Variants in TRIM33 observed in about 807,000 individuals in gnomAD.
TRIM33 encodes tripartite motif containing 33, also known as E3 ubiquitin-protein ligase TRIM33.
TRIM33 carries 20 observed loss-of-function variants against 125.4 expected under a neutral mutation model. The ratio of observed to expected loss-of-function variants is 0.16; its 90% CI spans 0.11 to 0.23. TRIM33 has a LOEUF of 0.23. Ranked by LOEUF, TRIM33 falls within the 10% of genes least tolerant of loss-of-function variation. TRIM33 has a pLI of 1.00. For missense variants in TRIM33, 920 were observed against 1,411.4 expected, an observed-to-expected ratio of 0.65 and a Z score of 5.58; for synonymous variants, 564 against 513.9, an observed-to-expected ratio of 1.10 and a Z score of -1.32.
chr1:114,421,795 C>T (rs919487890), intron 10 of TRIM33, among the ~76,000 whole-genome samples, 159 bp from the exon 11 acceptor site: 31 of 152,170 alleles, frequency 2.0e-4, no homozygotes, highest in Non-Finnish European at 4.4e-5. Context: ...TCAGCCTTTT[C>T]ATTTTTCTAT....
chr1:114,430,777 T>C (rs751413388), intron 6 of TRIM33, 21 bp downstream of exon 6: 1 of 1,346,434 alleles, frequency 7.4e-7, no homozygotes, highest in Non-Finnish European at 1.1e-6. Context: ...GTTTTTGTTT[T>C]ATTTTGGCTT....
intron 17 of TRIM33, 32 bp downstream of exon 17, chr1:114,401,357 T>G (rs1195813998): frequency 1.3e-6 from 2 of 1,589,586 alleles, no homozygotes. Flanking sequence ...TTATGAGACT[T>G]CCCCACCGAG....
intron 16 of TRIM33, among the ~76,000 whole-genome samples, chr1:114,401,799 C>T (rs1437744041): frequency 6.6e-6 from 1 of 152,124 alleles, no homozygotes. Flanking sequence ...CACTGTTGCT[C>T]CTCATGGTAA....
chr1:114,426,640 G>C (rs896184891), intron 8 of TRIM33, among the ~76,000 whole-genome samples: 1 of 151,896 alleles, frequency 6.6e-6, no homozygotes, highest in Non-Finnish European at 1.5e-5. Context: ...AAGTTTGTGT[G>C]CATGTGTTTT....
At chr1:114,415,946 TA>T (rs34898099) in intron 11 of TRIM33, among the ~76,000 whole-genome samples, 171 of 91,480 alleles carry the variant, frequency 1.9e-3, no homozygotes, top group East Asian at 3.0e-3. Flanking sequence ...AGACTCCATC[TA>T]AAAAAAAAAA....
intron 1 of TRIM33, among the ~76,000 whole-genome samples, chr1:114,480,427 T>C (rs547965327): frequency 1.4e-5 from 2 of 141,958 alleles, no homozygotes; most frequent in Non-Finnish European, 3.0e-5. Context: ...TATTGTCCTA[T>C]GACCCTGCCA....
intron 1 of TRIM33, among the ~76,000 whole-genome samples, chr1:114,491,889 C>T (rs989207381): frequency 3.9e-5 from 6 of 152,204 alleles, no homozygotes; most frequent in African/African-American, 1.4e-4. Flanking sequence ...ATGAATGAAG[C>T]TTACCTTACA....
intron 6 of TRIM33, 78 bp from the exon 7 acceptor site, chr1:114,427,972 C>G: frequency 6.9e-7 from 1 of 1,456,368 alleles, no homozygotes; most frequent in African/African-American, 1.4e-5. Context: ...CAAATGGGCA[C>G]AATACCTATA....
chr1:114,410,135 ACT>A (rs1455089139), intron 12 of TRIM33, 47 bp downstream of exon 12: 7 of 1,605,582 alleles, frequency 4.4e-6, no homozygotes, highest in Non-Finnish European at 5.1e-6. Flanking sequence ...AGATACTGAC[ACT>A]GTTTTTTTAA....
At chr1:114,453,931 G>C (rs1649480132) in intron 4 of TRIM33, among the ~76,000 whole-genome samples, 1 of 152,200 alleles carries the variant, frequency 6.6e-6, no homozygotes. Context: ...TTCACATTTG[G>C]AACTCTCCTG....
chr1:114,466,766 A>G (rs935867131), intron 1 of TRIM33, among the ~76,000 whole-genome samples: 7 of 152,132 alleles, frequency 4.6e-5, no homozygotes. Context: ...TTTAATCTGT[A>G]TCTTTCAACT....
intron 4 of TRIM33, among the ~76,000 whole-genome samples, chr1:114,458,752 A>C (rs958902533): frequency 2.6e-5 from 4 of 152,128 alleles, no homozygotes; most frequent in African/African-American, 9.7e-5. Context: ...CTGGACAGGG[A>C]GAAAAGGAGA....
intron 1 of TRIM33, among the ~76,000 whole-genome samples, chr1:114,497,924 A>G (rs1652469698): frequency 6.6e-6 from 1 of 152,012 alleles, no homozygotes; most frequent in Non-Finnish European, 1.5e-5. Context: ...TAGAAGATAA[A>G]CAAGAGTAGG....
intron 14 of TRIM33, 108 bp downstream of exon 14, chr1:114,406,833 C>T (rs1652275090): frequency 8.7e-7 from 1 of 1,144,556 alleles, no homozygotes; most frequent in African/African-American, 1.6e-5. Context: ...CATGAAATTT[C>T]AAAAATAAAT....
intron 15 of TRIM33, among the ~76,000 whole-genome samples, chr1:114,403,527 T>C (rs1235475329): frequency 5.9e-5 from 9 of 152,032 alleles, no homozygotes. Context: ...TGCACCATCA[T>C]GACCGGCAGA....
intron 1 of TRIM33, among the ~76,000 whole-genome samples, chr1:114,501,912 G>C (rs1652743819): frequency 6.6e-6 from 1 of 152,052 alleles, no homozygotes; most frequent in South Asian, 2.1e-4. Context: ...TCTAAAAATG[G>C]TATATTTATG....
Position 114,414,989 on chromosome 1 carries a change from A to T in TRIM33, c.2062-4673T>A, listed in dbSNP as rs1047414525. Among the ~76,000 whole-genome samples the T allele has an allele frequency of 1.5e-3, 154 of 104,644 alleles. 1 individual carries two copies. Among genetic ancestry groups the T allele is most frequent in the Non-Finnish European group, 1.4e-3 (74 of 53,452 alleles). 68.7% of individuals were successfully genotyped at this position (104,644 alleles called of 152,430 possible). A position where few individuals can be genotyped will look rare whatever the true frequency, so the allele number is the denominator to read the frequency against. On this transcript the variant is annotated intron_variant, in intron 11 of 19. Transcript: ENST00000358465. Reference sequence around the variant, plus strand: ...CCAACATATCCATGAGGTAGATTCTATTTTTTTTTTTTTTTTTTTTTTTGA... The same window carrying T: ...CCAACATATCCATGAGGTAGATTCTTTTTTTTTTTTTTTTTTTTTTTTTGA...
chr1:114,419,048 A>G lies in TRIM33; in HGVS notation c.2061+2388T>C, dbSNP rs376468511. Among the ~76,000 whole-genome samples, 4 of 152,076 alleles carry G rather than the reference A, an allele frequency of 2.6e-5. No individual in the cohort carries two copies. The East Asian group carries it at 5.8e-4, about 22-fold the overall frequency. On this transcript the variant is annotated intron_variant, in intron 11 of 19. Coordinates refer to ENST00000358465, the MANE Select transcript of TRIM33 (RefSeq NM_015906.4). ...CATGATGAAACTCCATCTCTACTAA[A>G]ACACAAAAATTAGCCAGGCCTGGGG...
At position 114,407,046 on chromosome 1, in the gene TRIM33, A is replaced by G. The variant is rs1259170943; in HGVS notation, c.2313T>C (p.Asp771=). 1 of 1,613,788 alleles carries G rather than the reference A, an allele frequency of 6.2e-7. No homozygotes were observed. The highest frequency in any genetic ancestry group is 1.7e-5 in the Admixed American group (1 of 59,996). ...CAGGTTCTTGCTTGACCTTCACCTGATCAGATTTGAAACTAAGACTTGTCT... is the reference window on the plus strand; with the variant it reads ...CAGGTTCTTGCTTGACCTTCACCTGGTCAGATTTGAAACTAAGACTTGTCT... ...AEKTSLSFKS[D]QVKVKQEPGT... is the part of the protein sequence containing the mutation. The change falls in exon 14 of 20, where the codon GAT becomes GAC. Residue 771 remains aspartate, a synonymous_variant. Transcript: ENST00000358465.
Sources: allele counts gnomAD v4.1 joint callset (sites outside exome capture counted in the v4.1 genomes callset), GRCh38; gene constraint gnomAD v4.1.1; transcripts MANE v1.5; gene names NCBI Gene and HGNC (gene_info 2026-07-23, HGNC 2026-07-21).